The following GSE1 variants were observed in gnomAD, a reference collection of about 807,000 sequenced individuals.
The protein encoded by GSE1 is genetic suppressor element 1.
In GSE1, 32 loss-of-function variants were observed where a neutral mutation model predicts 112.6. The ratio of observed to expected loss-of-function variants is 0.28; its 90% CI spans 0.21 to 0.38. The LOEUF is 0.38. Among genes scored for constraint, GSE1 ranks in the 10% least tolerant of loss-of-function variants. The pLI, the probability that GSE1 is intolerant of heterozygous loss-of-function variation, is 1.00. For missense variants in GSE1, 2,348 were observed against 1,699.2 expected, an observed-to-expected ratio of 1.38 and a Z score of -6.71; for synonymous variants, 1,115 against 735.6, an observed-to-expected ratio of 1.52 and a Z score of -8.35.
At chr16:85,503,073 A>T (rs1362436025) in intron 2 of GSE1, among the ~76,000 whole-genome samples, 1 of 152,198 alleles carries the variant, frequency 6.6e-6, no homozygotes, top group African/African-American at 2.4e-5. Flanking sequence ...AACCCTGTTG[A>T]CATTGAGGGG....
intron 1 of GSE1, among the ~76,000 whole-genome samples, chr16:85,287,842 C>T (rs1174605056): frequency 6.6e-6 from 1 of 152,184 alleles, no homozygotes; most frequent in Non-Finnish European, 1.5e-5. Flanking sequence ...AGCTCCATGG[C>T]TGGTCTGTTT....
intron 1 of GSE1, among the ~76,000 whole-genome samples, chr16:85,631,446 G>A (rs902623054): frequency 6.6e-6 from 1 of 152,228 alleles, no homozygotes; most frequent in African/African-American, 2.4e-5. Flanking sequence ...CAGGGCACGG[G>A]GCTTGTGGGC....
chr16:85,521,066 A>C (rs1045116436), intron 2 of GSE1, among the ~76,000 whole-genome samples: 1 of 150,986 alleles, frequency 6.6e-6, no homozygotes, highest in Admixed American at 6.6e-5. Context: ...GTTCTTCGTG[A>C]AGATCTCAGG....
intron 2 of GSE1, among the ~76,000 whole-genome samples, chr16:85,365,000 T>C (rs1033548761): frequency 6.6e-6 from 1 of 152,234 alleles, no homozygotes; most frequent in Non-Finnish European, 1.5e-5. Context: ...GAGGCTGTCT[T>C]TGGAGGCCTG....
rs113579549 is a variant in GSE1 at position 85,627,446 on chromosome 16, C to T, written c.8-6468C>T. On this transcript the variant is annotated intron_variant, in intron 1 of 15. Transcript: ENST00000253458. ...CCTGGCCCCTCAGTTTGAGGGTGCC[C>T]AGGGCCGAGGGGCCTTTAGGTGTCT... Among the ~76,000 whole-genome samples the T allele has an allele frequency of 2.8e-3, 423 of 151,682 alleles. 2 individuals carry two copies. The highest frequency in any genetic ancestry group is 4.6e-3 in the Non-Finnish European group (313 of 67,912).
chr16:85,450,615 C>CT (rs777871415), intron 2 of GSE1, among the ~76,000 whole-genome samples: 122 of 151,504 alleles, frequency 8.1e-4, no homozygotes, highest in Non-Finnish European at 1.5e-3. Context: ...TGCCCAGCTA[C>CT]TTTTTTTGTA....
chr16:85,388,079 G>T (rs1320900980), intron 2 of GSE1, among the ~76,000 whole-genome samples: 4 of 150,778 alleles, frequency 2.7e-5, no homozygotes, highest in South Asian at 4.2e-4. Context: ...TGGGTGGGTG[G>T]ATGGATGGAT....
At chr16:85,285,028 G>A (rs925546667) in intron 1 of GSE1, 2 of 152,226 alleles carry the variant, frequency 1.3e-5, no homozygotes, top group African/African-American at 2.4e-5. Flanking sequence ...TGACATCAGC[G>A]AGCAAAAGTG....
At chr16:85,403,934 T>G (rs1274254416) in intron 2 of GSE1, among the ~76,000 whole-genome samples, 1 of 152,154 alleles carries the variant, frequency 6.6e-6, no homozygotes, top group Non-Finnish European at 1.5e-5. Context: ...TCTCCCAGCC[T>G]CTGGGGACTC....
intron 2 of GSE1, among the ~76,000 whole-genome samples, chr16:85,455,890 T>C (rs893471573): frequency 6.6e-6 from 1 of 152,284 alleles, no homozygotes; most frequent in East Asian, 1.9e-4. Context: ...TGCCCTTCCC[T>C]CCCAGGGACC....
chr16:85,556,597 G>T (rs915859211), intron 1 of GSE1, among the ~76,000 whole-genome samples: 1 of 151,378 alleles, frequency 6.6e-6, no homozygotes, highest in Admixed American at 6.6e-5. Flanking sequence ...TCGCGCCGCC[G>T]CCGGGGGTTG....
At chr16:85,356,766 A>G (rs1597474011) in intron 1 of GSE1, among the ~76,000 whole-genome samples, 1 of 152,160 alleles carries the variant, frequency 6.6e-6, no homozygotes, top group East Asian at 1.9e-4. Flanking sequence ...TGCTGGGATT[A>G]CAGGCGGGAG....
At chr16:85,560,473 C>A (rs1164416259) in intron 1 of GSE1, among the ~76,000 whole-genome samples, 1 of 152,132 alleles carries the variant, frequency 6.6e-6, no homozygotes, top group East Asian at 1.9e-4. Context: ...TTGGACCAGG[C>A]CTCTTGCCGC....
intron 1 of GSE1, among the ~76,000 whole-genome samples, chr16:85,219,081 A>G (rs551943383): frequency 3.3e-5 from 5 of 152,238 alleles, no homozygotes; most frequent in South Asian, 2.1e-4. Context: ...GGGTTTCACC[A>G]TGTTAGCCAG....
At position 85,312,209 on chromosome 16, in the gene GSE1, G is replaced by C. The variant is rs1051823567; in HGVS notation, c.2284-45254G>C. 6.6e-5 allele frequency among the ~76,000 whole-genome samples: 10 copies of C among 150,464 alleles called. No homozygotes were observed. In the East Asian group the frequency reaches 9.7e-4, roughly 15 times the overall value. On this transcript the variant is annotated intron_variant, in intron 1 of 2. Coordinates refer to the GSE1 transcript ENST00000637419. ...TGGTCTCTCTGATCCTCTTGCGGGG[G>C]GGGGGGGGACACACTTACCCCCAAA... is the stretch of plus-strand genomic sequence containing the variant.
At chr16:85,295,206 C>T (rs541500666) in intron 1 of GSE1, among the ~76,000 whole-genome samples, 2 of 152,318 alleles carry the variant, frequency 1.3e-5, no homozygotes, top group East Asian at 3.9e-4. Flanking sequence ...CCCAGGGCCT[C>T]CGCACACACC....
rs146165221 is a variant in GSE1, at chr16:85,471,667, A to G, written c.2464+114024A>G. Among the ~76,000 whole-genome samples, 149 of 152,254 alleles carry G rather than the reference A, an allele frequency of 9.8e-4. 2 individuals are homozygous for G. In the East Asian group the frequency reaches 0.026, roughly 27 times the overall value. On this transcript the variant is annotated intron_variant, in intron 2 of 2. Transcript: ENST00000637419. ...GGGCTTAAGCAATCTGCCCTACCAA[A>G]GTACAAGGATTACAGACATGAGCCA... is the stretch of plus-strand genomic sequence containing the variant.
At chr16:85,612,543 T>C (rs2048061235), upstream of GSE1, among the ~76,000 whole-genome samples, 2 of 151,590 alleles carry the variant, frequency 1.3e-5, no homozygotes, top group South Asian at 4.2e-4. Context: ...CTCCAGCCCC[T>C]GGGCCGCGGG....
At chr16:85,538,392 T>C (rs781580993) in intron 2 of GSE1, among the ~76,000 whole-genome samples, 2 of 152,088 alleles carry the variant, frequency 1.3e-5, no homozygotes, top group Non-Finnish European at 2.9e-5. Flanking sequence ...TGAGAAGAAA[T>C]ACAGCAGTGC....
Sources: gnomAD v4.1 joint callset for allele counts (sites outside exome capture counted in the v4.1 genomes callset) on GRCh38, gnomAD v4.1.1 for gene constraint, MANE v1.5 for transcripts, NCBI Gene and HGNC (gene_info 2026-07-23, HGNC 2026-07-21) for gene names.